The following TTN variants were observed in gnomAD, a reference collection of about 807,000 sequenced individuals.
TTN encodes connectin.
Under a neutral mutation model 3,223.0 loss-of-function variants are expected in TTN, and 1,525 were observed. The observed-to-expected ratio is 0.47, with a 90% CI of 0.45 to 0.49. The LOEUF (loss-of-function observed/expected upper bound fraction) is 0.49. Among genes scored for constraint, TTN ranks in the 20% least tolerant of loss-of-function variants. The probability of loss-of-function intolerance (pLI) is 0.00; values close to 1 mark genes in which losing one functional copy is unlikely to be tolerated. For synonymous variants in TTN, 14,094 were observed against 15,161.0 expected, an observed-to-expected ratio of 0.93 and a Z score of 5.17; for missense variants, 40,786 against 43,424.0, an observed-to-expected ratio of 0.94 and a Z score of 5.40.
chr2:178,804,639 T>G lies in TTN; in HGVS notation c.4A>C (p.Thr2Pro), dbSNP rs2094228974. 1.9e-6 allele frequency: 3 copies of G among 1,613,860 alleles called. No homozygotes were observed. Among genetic ancestry groups the G allele is most frequent in the Non-Finnish European group, 2.5e-6 (3 of 1,179,888 alleles). The change falls in exon 2 of 363, where the codon ACA becomes CCA. Residue 2 changes from threonine (T) to proline (P), a missense_variant. Transcript: ENST00000589042. ...TGCGTAAACGTCGGTGCTTGAGTTG[T>G]CATCTTTCTAGGCACTCTGAAAAAG... Reference protein sequence around the residue: MTTQAPTFTQPL... With the variant: MPTQAPTFTQPL...
rs397517643 is a variant in TTN at position 178,592,913 on chromosome 2, AC to A, written c.59205del (p.Glu19735AspfsTer24). On this transcript the variant is annotated frameshift_variant, in exon 300 of 363. Transcript: ENST00000589042. LOFTEE classifies it high-confidence loss of function. ...ACTTTATATTTAGTTTCAGGACATG[AC>A]TCAGGGGTGTGATTGGCTCTTCTCC... ...EEWRRANHTP[E>X]SCPETKYKVT... The A allele has an allele frequency of 6.2e-7, 1 of 1,613,384 alleles. No individual in the cohort carries two copies. The highest frequency in any genetic ancestry group is 8.5e-7 in the Non-Finnish European group (1 of 1,179,578).
At chr2:178,772,998 A>T in intron 33 of TTN, 111 bp downstream of exon 33, 1 of 1,408,002 alleles carries the variant, frequency 7.1e-7, no homozygotes, top group Non-Finnish European at 9.9e-7. Flanking sequence ...GGAACAGCAT[A>T]AGCAGAGGCA....
In TTN at chr2:178,593,462, T is replaced by C. The variant is rs1336124090; in HGVS notation, c.58746A>G (p.Ala19582=). The change falls in exon 299 of 363, where the codon GCA becomes GCG. Residue 19582 remains alanine (A), a synonymous_variant. Transcript: ENST00000589042. Reference sequence around the variant, plus strand: ...CTTCTGTAACAATTGGCTGATCAGGTGCATCAGGAACCCCTGTAACAAATG... The same window carrying C: ...CTTCTGTAACAATTGGCTGATCAGGCGCATCAGGAACCCCTGTAACAAATG... ...KAKDRFRVPD[A]PDQPIVTEVT... 7 of 1,611,016 alleles carry C rather than the reference T, an allele frequency of 4.3e-6. No individual in the cohort carries two copies. Among genetic ancestry groups the C allele is most frequent in the Non-Finnish European group, 5.9e-6 (7 of 1,179,260 alleles).
chr2:178,777,822 T>C lies in TTN; in HGVS notation c.4362A>G (p.Leu1454=), dbSNP rs794727406. Residue 1454 remains leucine (L), a synonymous_variant, in exon 25 of 363, where the codon CTA becomes CTG. Transcript: ENST00000589042. The part of the protein sequence containing the change: ...EETDESQLER[L]YKPVFVLKPV... ...GTTTTAACACAAAGACTGGTTTATA[T>C]AGTCTCTCAAGTTGTGACTCATCTG... The C allele has an allele frequency of 2.4e-5, 39 of 1,613,940 alleles. No homozygotes were observed. Among genetic ancestry groups the C allele is most frequent in the Non-Finnish European group, 3.3e-5 (39 of 1,179,954 alleles).
intron 46 of TTN, among the ~76,000 whole-genome samples, chr2:178,755,385 T>C (rs2086642763): frequency 6.6e-6 from 1 of 152,136 alleles, no homozygotes; most frequent in South Asian, 2.1e-4. Flanking sequence ...TAGAGACTTC[T>C]AATTTTGGTC....
At chr2:178,785,483 A>C in intron 15 of TTN, 137 bp downstream of exon 15, 1 of 1,288,248 alleles carries the variant, frequency 7.8e-7, no homozygotes, top group Non-Finnish European at 1.1e-6. Flanking sequence ...GTCTGGGCCC[A>C]CTGTGAATGC....
At position 178,526,445 on chromosome 2, in the gene TTN, G is replaced by C. The variant is rs1360498807; in HGVS notation, c.*567C>G. 6.6e-6 allele frequency: 1 copy of C among 152,630 alleles called. No individual in the cohort carries two copies. The highest frequency in any genetic ancestry group is 2.4e-5 in the African/African-American group (1 of 41,450). The allele number at this position is 152,630 out of a possible 1,614,324, so 9.5% of individuals were successfully genotyped here. ...TGGTAATATTTGTCATGATAATTTTGTGTGACATCATCAGAGAAAATGTAA... is the reference window on the plus strand; with the variant it reads ...TGGTAATATTTGTCATGATAATTTTCTGTGACATCATCAGAGAAAATGTAA... On this transcript the variant is annotated 3_prime_UTR_variant, in exon 363 of 363. Coordinates refer to ENST00000589042, the MANE Select transcript of TTN (RefSeq NM_001267550.2).
Position 178,608,243 on chromosome 2 carries a change from T to G in TTN, c.52640A>C (p.Glu17547Ala). 6 of 1,607,998 alleles carry G rather than the reference T, an allele frequency of 3.7e-6. No individual in the cohort carries two copies. Among genetic ancestry groups the G allele is most frequent in the Non-Finnish European group, 4.2e-6 (5 of 1,176,590 alleles). ...GLTYVFRVCAENAAGPGKFSP... is the reference protein window; with the variant it reads ...GLTYVFRVCAANAAGPGKFSP... Reference sequence around the variant, plus strand: ...GAACTTTCCAGGTCCAGCTGCATTTTCAGCACATACTCTGAAGACATAGGT... The same window carrying G: ...GAACTTTCCAGGTCCAGCTGCATTTGCAGCACATACTCTGAAGACATAGGT... Residue 17547 changes from glutamate to alanine, a missense_variant, in exon 275 of 363, where the codon GAA becomes GCA. Glu to Ala is a moderately radical substitution (Grantham distance 107, BLOSUM62 -1). Transcript: ENST00000589042.
intron 99 of TTN, among the ~76,000 whole-genome samples, chr2:178,708,656 A>G (rs1405966046): frequency 6.6e-6 from 1 of 152,240 alleles, no homozygotes; most frequent in Admixed American, 6.5e-5. Context: ...ACTGCTAAGT[A>G]TATATTTTTC....
At position 178,567,762 on chromosome 2, in the gene TTN, T is replaced by G; in HGVS notation, c.78370A>C (p.Ile26124Leu). Residue 26124 changes from isoleucine to leucine, a missense_variant, in exon 326 of 363, where the codon ATT becomes CTT. Physicochemically the swap from Ile to Leu is conservative, Grantham distance 5. Coordinates refer to ENST00000589042, the MANE Select transcript of TTN (RefSeq NM_001267550.2). ...TCAGGCAAATCACGTTTCTCTACAA[T>G]GTAGCCTGTAATCATACTTCCACCA... ...YDGGSMITGYIVEKRDLPDGR... is the reference protein window; with the variant it reads ...YDGGSMITGYLVEKRDLPDGR... 1 of 1,613,478 alleles carries G rather than the reference T, an allele frequency of 6.2e-7. No individual in the cohort carries two copies. Among genetic ancestry groups the G allele is most frequent in the Non-Finnish European group, 8.5e-7 (1 of 1,179,572 alleles).
chr2:178,535,856 CAG>C lies in TTN; in HGVS notation c.100766-9_100766-8del. 1 of 1,355,666 alleles carries C rather than the reference CAG, an allele frequency of 7.4e-7. No homozygotes were observed. The allele number at this position is 1,355,666 out of a possible 1,614,324, so 84.0% of individuals were successfully genotyped here. A position where few individuals can be genotyped will look rare whatever the true frequency, so the allele number is the denominator to read the frequency against. On this transcript the variant is annotated splice_polypyrimidine_tract_variant and splice_region_variant and intron_variant, in intron 357 of 362. Transcript: ENST00000589042. ...AAGTGTATCTTAGCTGGAACTGTAT[CAG>C]AAAAAAAAAAAAAAAGAATATAATT...
Position 178,528,931 on chromosome 2 carries a change from G to T in TTN, c.106820C>A (p.Ala35607Asp). 1 of 1,613,956 alleles carries T rather than the reference G, an allele frequency of 6.2e-7. No individual in the cohort carries two copies. Among genetic ancestry groups the T allele is most frequent in the Non-Finnish European group, 8.5e-7 (1 of 1,179,872 alleles). Residue 35607 changes from alanine to aspartate, a missense_variant, in exon 360 of 363, where the codon GCT (alanine) becomes GAT (aspartate). Coordinates refer to ENST00000589042, the MANE Select transcript of TTN (RefSeq NM_001267550.2). Reference sequence around the variant, plus strand: ...CTGAGTAGAAAATGCTTTAATCTCAGCATGAGTTCTGACTTCTTCTGATGC... The same window carrying T: ...CTGAGTAGAAAATGCTTTAATCTCATCATGAGTTCTGACTTCTTCTGATGC... Reference protein sequence around the residue: ...SQASEEVRTHAEIKAFSTQMS... With the variant: ...SQASEEVRTHDEIKAFSTQMS...
chr2:178,539,027 A>G lies in TTN; in HGVS notation c.98908T>C (p.Phe32970Leu), dbSNP rs574423649. The G allele has an allele frequency of 5.6e-6, 9 of 1,613,768 alleles. No homozygotes were observed. The South Asian group carries it at 9.9e-5, about 18-fold the overall frequency. The change falls in exon 353 of 363, where the codon TTC becomes CTC. Residue 32970 changes from phenylalanine to leucine, a missense_variant. Transcript: ENST00000589042. The stretch of plus-strand genomic sequence containing the variant: ...ACATCATTCTGTGCGATGATGCGGA[A>G]CTGATACTCAGCATCGGGAACAAGC... ...TGLVPDAEYQFRIIAQNDVGL... is the reference protein window; with the variant it reads ...TGLVPDAEYQLRIIAQNDVGL...
Position 178,557,737 on chromosome 2 carries a change from T to G in TTN, c.87617A>C (p.Glu29206Ala). Reference sequence around the variant, plus strand: ...TGCCTTGATGCGGAATTGGTATTCTTCTCCTGTGGTCAGTTTCATGACTTT... The same window carrying G: ...TGCCTTGATGCGGAATTGGTATTCTGCTCCTGTGGTCAGTTTCATGACTTT... ...MMKVMKLTTGEEYQFRIKAEN... is the reference protein window; with the variant it reads ...MMKVMKLTTGAEYQFRIKAEN... Residue 29206 changes from glutamate (E) to alanine (A), a missense_variant, in exon 328 of 363, where the codon GAA becomes GCA. Coordinates refer to ENST00000589042, the MANE Select transcript of TTN (RefSeq NM_001267550.2). 6.2e-7 allele frequency: 1 copy of G among 1,613,994 alleles called. No homozygotes were observed.
chr2:178,556,870 G>T lies in TTN; in HGVS notation c.88284C>A (p.Pro29428=). 1 of 1,613,626 alleles carries T rather than the reference G, an allele frequency of 6.2e-7. No individual in the cohort carries two copies. Among genetic ancestry groups the T allele is most frequent in the Non-Finnish European group, 8.5e-7 (1 of 1,179,798 alleles). ...TACCATAAGAATCGATGCAAGTAAT[G>T]GGCCCTACAACCTCAGATGGATTGC... ...SISNPSEVVG[P]ITCIDSYGGP... is the part of the protein sequence containing the mutation. Residue 29428 remains proline, a synonymous_variant, in exon 330 of 363, where the codon CCC becomes CCA. Coordinates refer to ENST00000589042, the MANE Select transcript of TTN (RefSeq NM_001267550.2).
Position 178,588,104 on chromosome 2 carries a change from C to T in TTN, c.63303G>A (p.Val21101=), listed in dbSNP as rs1298708281. Residue 21101 remains valine, a synonymous_variant, in exon 305 of 363, where the codon GTG becomes GTA. Transcript: ENST00000589042. The part of the protein sequence containing the change: ...DGGAPIIGYV[V]EMRPKIADAS... ...CATCTGCTATTTTTGGTCTCATTTCCACAACATATCCAATGATCGGTGCAC... is the reference window on the plus strand; with the variant it reads ...CATCTGCTATTTTTGGTCTCATTTCTACAACATATCCAATGATCGGTGCAC... The T allele has an allele frequency of 6.2e-7, 1 of 1,612,720 alleles. No individual in the cohort carries two copies. The highest frequency in any genetic ancestry group is 8.5e-7 in the Non-Finnish European group (1 of 1,179,276).
chr2:178,641,257 T>G lies in TTN; in HGVS notation c.40617A>C (p.Lys13539Asn). 1 of 1,510,438 alleles carries G rather than the reference T, an allele frequency of 6.6e-7. No homozygotes were observed. Among genetic ancestry groups the G allele is most frequent in the African/African-American group, 1.4e-5 (1 of 69,980 alleles). The allele number at this position is 1,510,438 out of a possible 1,614,324, so 93.6% of individuals were successfully genotyped here. A position where few individuals can be genotyped will look rare whatever the true frequency, so the allele number is the denominator to read the frequency against. The change falls in exon 220 of 363, where the codon AAA becomes AAC. Residue 13539 changes from lysine to asparagine, a missense_variant. Lys to Asn is a moderately conservative substitution (Grantham distance 94). Coordinates refer to ENST00000589042, the MANE Select transcript of TTN (RefSeq NM_001267550.2). The part of the protein sequence containing the change: ...EPKVEPKKLE[K>N]VKKPAVPEPP... ...GATTCCTACCTGCAGGTTTTTTAAC[T>G]TTTTCTAGTTTTTTAGGTTCTACTT...
Position 178,566,333 on chromosome 2 carries a change from TTTC to T in TTN, c.79796_79798del (p.Arg26599del), listed in dbSNP as rs1705849548. The T allele has an allele frequency of 6.2e-7, 1 of 1,613,460 alleles. No homozygotes were observed. The highest frequency in any genetic ancestry group is 1.3e-5 in the African/African-American group (1 of 74,888). ...TCCACCAGCTCTTACAACAATTCCT[TTTC>T]TTAATTCGGAGTCAAGGTCAAGTTC... On this transcript the variant is annotated inframe_deletion, in exon 326 of 363. Coordinates refer to ENST00000589042, the MANE Select transcript of TTN (RefSeq NM_001267550.2).
At chr2:178,765,947 C>G (rs2090313422) in intron 41 of TTN, among the ~76,000 whole-genome samples, 1 of 152,082 alleles carries the variant, frequency 6.6e-6, no homozygotes. Flanking sequence ...TCTAGGCCTT[C>G]CAGGGTCTCA....
Sources: gnomAD v4.1 joint callset for allele counts (sites outside exome capture counted in the v4.1 genomes callset) on GRCh38, gnomAD v4.1.1 for gene constraint, MANE v1.5 for transcripts, NCBI Gene and HGNC (gene_info 2026-07-23, HGNC 2026-07-21) for gene names.